Variants in PDZD2 observed in about 807,000 individuals in gnomAD.
PDZD2 encodes the protein PDZ domain containing 2.
PDZD2 carries 90 observed loss-of-function variants against 220.7 expected under a neutral mutation model. That is an observed-to-expected ratio of 0.41 (90% CI 0.34 to 0.49). The LOEUF (loss-of-function observed/expected upper bound fraction) is 0.49. Ranked by LOEUF, PDZD2 falls within the 20% of genes least tolerant of loss-of-function variation. The probability of loss-of-function intolerance (pLI) is 0.28; values close to 1 mark genes in which losing one functional copy is unlikely to be tolerated. For synonymous variants in PDZD2, 1,375 were observed against 1,450.5 expected (o/e 0.95, Z 1.18); for missense variants, 3,174 against 3,608.5 (o/e 0.88, Z 3.08).
At chr5:31,692,333 G>A (rs993005115) in intron 1 of PDZD2, among the ~76,000 whole-genome samples, 12 of 152,216 alleles carry the variant, frequency 7.9e-5, no homozygotes, top group Admixed American at 5.9e-4. Flanking sequence ...CCCGGTTCCC[G>A]CCCGCGCCTC....
chr5:32,039,674 G>A (rs958041092), intron 7 of PDZD2, among the ~76,000 whole-genome samples: 21 of 147,888 alleles, frequency 1.4e-4, no homozygotes, highest in African/African-American at 4.0e-4. Context: ...CTGCCTGGCC[G>A]CCCATCGTCT....
In PDZD2 at chr5:31,707,520, A is replaced by C. The variant is rs190578558; in HGVS notation, c.-361+68083A>C. ...TTTAAGCCTTCAGGACTATGGAGGA[A>C]GTAAATTTCTGCAACAAGTCACCCA... On this transcript the variant is annotated intron_variant, in intron 1 of 24. Coordinates refer to ENST00000438447, the MANE Select transcript of PDZD2 (RefSeq NM_178140.4). Among the ~76,000 whole-genome samples the C allele has an allele frequency of 2.6e-5, 4 of 152,260 alleles. No homozygotes were observed. In the East Asian group the frequency reaches 7.7e-4, roughly 29 times the overall value.
intron 5 of PDZD2, among the ~76,000 whole-genome samples, chr5:32,001,018 G>A (rs987596102): frequency 7.9e-5 from 12 of 152,158 alleles, no homozygotes; most frequent in Admixed American, 2.6e-4. Context: ...ATTGTGAACC[G>A]CACACGCAAC....
At chr5:31,817,879 G>A (rs10063511) in intron 2 of PDZD2, among the ~76,000 whole-genome samples, 78,936 of 151,418 alleles carry the variant, frequency 0.52, 20,785 homozygotes, top group African/African-American at 0.54. Flanking sequence ...CGTAAGGCTG[G>A]CCTTTAATTC....
chr5:31,762,483 T>C (rs921629853), intron 1 of PDZD2, among the ~76,000 whole-genome samples: 3 of 152,144 alleles, frequency 2.0e-5, no homozygotes, highest in Non-Finnish European at 2.9e-5. Context: ...AGATGGGGTT[T>C]CACCATGTTG....
At position 31,786,001 on chromosome 5, in the gene PDZD2, G is replaced by A. The variant is rs537064377; in HGVS notation, c.-360-12888G>A. Among the ~76,000 whole-genome samples, 272 of 152,188 alleles carry A rather than the reference G, an allele frequency of 1.8e-3. 1 individual carries two copies. Among genetic ancestry groups the A allele is most frequent in the Non-Finnish European group, 3.5e-3 (235 of 68,008 alleles). The stretch of plus-strand genomic sequence containing the variant: ...GTTAGTATATTCGCCTACCTCCTCC[G>A]AAATCTTTCCTTCTGAATTCTGAGT... On this transcript the variant is annotated intron_variant, in intron 1 of 24. Transcript: ENST00000438447.
chr5:31,758,156 C>T (rs1484500548), intron 1 of PDZD2, among the ~76,000 whole-genome samples: 1 of 152,218 alleles, frequency 6.6e-6, no homozygotes, highest in Non-Finnish European at 1.5e-5. Context: ...CTCCTCCTGC[C>T]CTGGACCGCA....
At chr5:31,871,082 ATCTT>A (rs1334517474) in intron 2 of PDZD2, among the ~76,000 whole-genome samples, 1 of 152,310 alleles carries the variant, frequency 6.6e-6, no homozygotes, top group East Asian at 1.9e-4. Context: ...GAAACCAGAA[ATCTT>A]TCTAAGTTAG....
chr5:31,799,312 A>G lies in PDZD2; in HGVS notation c.64A>G (p.Ser22Gly). The change falls in exon 2 of 25, where the codon AGC (serine) becomes GGC (glycine). Residue 22 changes from serine (S) to glycine (G), a missense_variant. By Grantham distance (56) the Ser-to-Gly change is moderately conservative. Around this residue, in one of 4 missense-constraint regions of PDZD2, gnomAD observed 632 missense variants for 708.1 expected, o/e 0.89. Transcript: ENST00000438447. Reference protein sequence around the residue: ...LPLLYQWLQNSLQEGGDGPEQ... With the variant: ...LPLLYQWLQNGLQEGGDGPEQ... ...CCTCCTCTACCAGTGGCTGCAGAAC[A>G]GCCTGCAGGAAGGTGGGGATGGGCC... is the stretch of plus-strand genomic sequence containing the variant. The G allele has an allele frequency of 6.2e-7, 1 of 1,614,068 alleles. No individual in the cohort carries two copies. The highest frequency in any genetic ancestry group is 8.5e-7 in the Non-Finnish European group (1 of 1,179,914).
At position 32,040,873 on chromosome 5, in the gene PDZD2, GT is replaced by G. The variant is rs1235819351; in HGVS notation, c.1519+3532del. On this transcript the variant is annotated intron_variant, in intron 7 of 24. Transcript: ENST00000438447. ...TCTGCCCGGCCGCCCCGTCTGGGAA[GT>G]GAAGAGCGCCTCTGCCTGGCCGCCC... 4.1e-5 allele frequency among the ~76,000 whole-genome samples: 6 copies of G among 145,718 alleles called. No individual in the cohort carries two copies. In the East Asian group the frequency reaches 1.3e-3, roughly 31 times the overall value.
chr5:31,993,759 C>T (rs1431955425), intron 3 of PDZD2, among the ~76,000 whole-genome samples: 1 of 152,010 alleles, frequency 6.6e-6, no homozygotes. Flanking sequence ...TGACTCAGGC[C>T]CATATAGCTA....
intron 2 of PDZD2, among the ~76,000 whole-genome samples, chr5:31,928,760 C>T (rs1157508451): frequency 6.6e-6 from 1 of 152,118 alleles, no homozygotes; most frequent in Non-Finnish European, 1.5e-5. Flanking sequence ...GCCTGAGCCA[C>T]GATGCCGGGC....
At chr5:31,705,837 G>A (rs1747796927) in intron 1 of PDZD2, among the ~76,000 whole-genome samples, 2 of 152,296 alleles carry the variant, frequency 1.3e-5, no homozygotes, top group Middle Eastern at 3.4e-3. Context: ...ATCACCTGAG[G>A]TGAGGAGTTC....
intron 1 of PDZD2, among the ~76,000 whole-genome samples, chr5:31,780,620 G>T (rs1753009795): frequency 6.6e-6 from 1 of 152,160 alleles, no homozygotes; most frequent in Admixed American, 6.5e-5. Context: ...GTTTAAATTT[G>T]CATGTCTGTC....
intron 2 of PDZD2, among the ~76,000 whole-genome samples, chr5:31,961,095 C>T (rs1461445241): frequency 6.6e-6 from 1 of 152,196 alleles, no homozygotes; most frequent in Non-Finnish European, 1.5e-5. Flanking sequence ...TATTGACTGC[C>T]TTATCAGGAA....
chr5:31,675,502 G>T (rs2150120348), intron 1 of PDZD2, among the ~76,000 whole-genome samples: 1 of 152,280 alleles, frequency 6.6e-6, no homozygotes, highest in African/African-American at 2.4e-5. Context: ...TAGTAGCAAT[G>T]ATTTTGATCT....
intron 3 of PDZD2, among the ~76,000 whole-genome samples, chr5:31,988,536 T>C (rs904952802): frequency 9.3e-5 from 14 of 151,350 alleles, no homozygotes; most frequent in African/African-American, 3.4e-4. Context: ...AACCTCATAC[T>C]CTAGGGATTT....
At chr5:32,002,966 CAACACA>C (rs1752374640) in intron 5 of PDZD2, among the ~76,000 whole-genome samples, 1 of 119,354 alleles carries the variant, frequency 8.4e-6, no homozygotes, top group African/African-American at 3.2e-5. Context: ...ACACACACAC[CAACACA>C]CACACACCAC....
chr5:31,951,938 T>C (rs1327090751), intron 2 of PDZD2, among the ~76,000 whole-genome samples: 1 of 152,218 alleles, frequency 6.6e-6, no homozygotes, highest in African/African-American at 2.4e-5. Flanking sequence ...TTTTGTCTAT[T>C]TTTTGTTTTT....
Sources: gnomAD v4.1 joint callset for allele counts (sites outside exome capture counted in the v4.1 genomes callset) on GRCh38, gnomAD v4.1.1 for gene constraint, gnomAD v4.1.1 regional missense constraint, MANE v1.5 for transcripts, NCBI Gene and HGNC (gene_info 2026-07-23, HGNC 2026-07-21) for gene names.